The following NCOR2 variants were observed in gnomAD, a reference collection of about 807,000 sequenced individuals.
NCOR2 encodes the protein CTG repeat protein 26.
In NCOR2, 81 loss-of-function variants were observed where a neutral mutation model predicts 262.9. That is an observed-to-expected ratio of 0.31 (90% CI 0.26 to 0.37). The LOEUF (loss-of-function observed/expected upper bound fraction) is 0.37. NCOR2 is among the 10% of genes least tolerant of loss of function. The pLI, the probability that NCOR2 is intolerant of heterozygous loss-of-function variation, is 1.00. For missense variants in NCOR2, 3,385 were observed against 3,621.4 expected (o/e 0.93, Z 1.68); for synonymous variants, 1,659 against 1,559.3 (o/e 1.06, Z -1.51).
At chr12:124,334,549 G>C in exon 41 of NCOR2, 1 of 1,422,036 alleles carries the variant, frequency 7.0e-7, no homozygotes, top group Non-Finnish European at 9.1e-7. Context: ...GGAAGGAGTA[G>C]AGGGGGGCGG....
In NCOR2 at chr12:124,432,202, G is replaced by A. The variant is rs1034767390; in HGVS notation, c.883-1415C>T. ...GACATGATGGACACACATACACAGA[G>A]TCACACATGTAGACACACAACAGAC... is the stretch of plus-strand genomic sequence containing the variant. On this transcript the variant is annotated intron_variant, in intron 8 of 46. Transcript: ENST00000405201. The surrounding 1 kb of genome is among the most constrained non-coding windows in gnomAD (Gnocchi z 5.1). 1.3e-5 allele frequency among the ~76,000 whole-genome samples: 2 copies of A among 151,750 alleles called. No homozygotes were observed. Among genetic ancestry groups the A allele is most frequent in the African/African-American group, 4.8e-5 (2 of 41,270 alleles).
At position 124,330,902 on chromosome 12, in the gene NCOR2, G is replaced by A. The variant is rs2035129480; in HGVS notation, c.6905-4C>T. On this transcript the variant is annotated splice_region_variant and splice_polypyrimidine_tract_variant and intron_variant, in intron 43 of 46. Coordinates refer to ENST00000405201, the Ensembl canonical transcript of NCOR2. The stretch of plus-strand genomic sequence containing the variant: ...TCCGTCCCAGGCTGGCTGATATCTG[G>A]AAGCGGGTGACAGAGTGGGTGAGGC... The A allele has an allele frequency of 1.3e-6, 2 of 1,578,244 alleles. No homozygotes were observed. Among genetic ancestry groups the A allele is most frequent in the South Asian group, 1.2e-5 (1 of 85,926 alleles).
At chr12:124,351,514 G>A (rs2135894765) in intron 27 of NCOR2, among the ~76,000 whole-genome samples, 1 of 152,252 alleles carries the variant, frequency 6.6e-6, no homozygotes, top group East Asian at 1.9e-4. Flanking sequence ...TAGAGAGTTG[G>A]AGGCACAATT....
chr12:124,376,624 C>T (rs1252164006), intron 18 of NCOR2, among the ~76,000 whole-genome samples: 1 of 152,218 alleles, frequency 6.6e-6, no homozygotes, highest in African/African-American at 2.4e-5. Context: ...CCGCCCCCAA[C>T]TTGAGATGAG....
chr12:124,548,959 G>T lies in NCOR2; in HGVS notation c.-164-13348C>A, dbSNP rs542056150. On this transcript the variant is annotated intron_variant, in intron 1 of 32. Transcript: ENST00000458234. The surrounding 1 kb of genome is among the most constrained non-coding windows in gnomAD (Gnocchi z 5.1). ...AGCCACTCCTCCCTCTCGTTTCCCC[G>T]CTTCCCCTTACCCGACGGTTGGGGC... 6.6e-6 allele frequency among the ~76,000 whole-genome samples: 1 copy of T among 152,068 alleles called. No homozygotes were observed. Among genetic ancestry groups the T allele is most frequent in the Non-Finnish European group, 1.5e-5 (1 of 68,012 alleles).
chr12:124,336,387 T>A, intron 38 of NCOR2: 1 of 190,474 alleles, frequency 5.3e-6, no homozygotes, highest in African/African-American at 2.5e-5. Context: ...ATCCATTCAT[T>A]AAAGAAAAAA....
At chr12:124,472,102 G>A (rs1482243040) in intron 4 of NCOR2, among the ~76,000 whole-genome samples, 2 of 152,212 alleles carry the variant, frequency 1.3e-5, no homozygotes, top group African/African-American at 4.8e-5. Flanking sequence ...AGGAGGGTTG[G>A]GGGTGTGTGT....
At chr12:124,410,585 C>T (rs1165707148) in intron 13 of NCOR2, among the ~76,000 whole-genome samples, 3 of 152,158 alleles carry the variant, frequency 2.0e-5, no homozygotes, top group African/African-American at 7.2e-5. Context: ...GCTGTGGGCC[C>T]ATCCTGGCCC....
chr12:124,502,071 G>A (rs1178872992), intron 1 of NCOR2, among the ~76,000 whole-genome samples: 1 of 152,230 alleles, frequency 6.6e-6, no homozygotes, highest in Non-Finnish European at 1.5e-5. Context: ...GTATCTGATG[G>A]CCACCTTCAG....
intron 11 of NCOR2, among the ~76,000 whole-genome samples, chr12:124,425,378 A>C: frequency 6.6e-6 from 1 of 152,264 alleles, no homozygotes; most frequent in East Asian, 1.9e-4. Flanking sequence ...TGTCTTGAAA[A>C]GAAGAAAGAA....
chr12:124,515,584 C>T (rs1267872412), intron 1 of NCOR2, among the ~76,000 whole-genome samples: 4 of 151,554 alleles, frequency 2.6e-5, no homozygotes, highest in Non-Finnish European at 5.9e-5. Flanking sequence ...TGTGCATGTG[C>T]GCATGTATCT....
Position 124,549,567 on chromosome 12 carries a change from C to A in NCOR2, c.-164-13956G>T, listed in dbSNP as rs2051647970. Among the ~76,000 whole-genome samples, 1 of 152,032 alleles carries A rather than the reference C, an allele frequency of 6.6e-6. No homozygotes were observed. The highest frequency in any genetic ancestry group is 2.4e-5 in the African/African-American group (1 of 41,394). On this transcript the variant is annotated intron_variant, in intron 1 of 32. Coordinates refer to the NCOR2 transcript ENST00000458234. The surrounding 1 kb of genome is among the most constrained non-coding windows in gnomAD (Gnocchi z 4.4). The stretch of plus-strand genomic sequence containing the variant: ...GCCGGGGCACAGCGGGCTGAGGGAG[C>A]CCCAGGACAGAAGCGGTCACACATC...
chr12:124,350,299 C>A (rs1302599503), intron 28 of NCOR2, among the ~76,000 whole-genome samples: 4 of 152,006 alleles, frequency 2.6e-5, no homozygotes, highest in Non-Finnish European at 4.4e-5. Context: ...GGAGGCCTGG[C>A]GGCGTGAGCT....
chr12:124,545,031 AT>A (rs1164499014), intron 1 of NCOR2, among the ~76,000 whole-genome samples: 1 of 152,128 alleles, frequency 6.6e-6, no homozygotes, highest in Non-Finnish European at 1.5e-5. Context: ...AACGGGGATG[AT>A]GCCAGGGGCT....
At chr12:124,350,719 GGAC>G (rs761448965) in exon 28 of NCOR2, 4 of 1,612,224 alleles carry the variant, frequency 2.5e-6, no homozygotes, top group East Asian at 4.5e-5. Context: ...CCCTTGTACA[GGAC>G]GTCAGCTGGC....
At chr12:124,334,472 T>G (rs2035702176) in exon 41 of NCOR2, 1 of 1,470,820 alleles carries the variant, frequency 6.8e-7, no homozygotes, top group Admixed American at 2.6e-5. Flanking sequence ...GGCACCATGG[T>G]CCGGGGGCGG....
In NCOR2 at chr12:124,364,552, G is replaced by A. The variant is rs114130432; in HGVS notation, c.2808-753C>T. 7.0e-3 allele frequency among the ~76,000 whole-genome samples: 1,067 copies of A among 152,342 alleles called. 14 individuals carry two copies. The highest frequency in any genetic ancestry group is 0.024 in the African/African-American group (1,018 of 41,568). ...TCCTCTGTCTGCTACTGAGATGCGC[G>A]ACCAGAGGCCGACACAGGGTACACG... On this transcript the variant is annotated intron_variant, in intron 20 of 46. Coordinates refer to ENST00000405201, the Ensembl canonical transcript of NCOR2.
chr12:124,438,021 A>T (rs950437235), intron 7 of NCOR2, 25 bp from the exon 10 acceptor site: 1 of 1,598,980 alleles, frequency 6.3e-7, no homozygotes, highest in South Asian at 1.1e-5. Context: ...AGCGGCAGAC[A>T]GGTCAGCCCG....
intron 13 of NCOR2, among the ~76,000 whole-genome samples, chr12:124,404,607 G>A (rs946528809): frequency 1.3e-5 from 2 of 152,238 alleles, no homozygotes; most frequent in Non-Finnish European, 2.9e-5. Flanking sequence ...GCAGGCAGGG[G>A]CCAGTTGGGA....
Sources: gnomAD v4.1 joint callset for allele counts (sites outside exome capture counted in the v4.1 genomes callset) on GRCh38, gnomAD v4.1.1 for gene constraint, Gnocchi (gnomAD v3.1) non-coding constraint, MANE v1.5 for transcripts, NCBI Gene and HGNC (gene_info 2026-07-23, HGNC 2026-07-21) for gene names.